PSMD1: variants seen among roughly 807,000 people sequenced by gnomAD.
PSMD1 encodes proteasome 26S subunit, non-ATPase 1, also known as 26S proteasome non-ATPase regulatory subunit 1.
Under a neutral mutation model 119.0 loss-of-function variants are expected in PSMD1, and 18 were observed. That is an observed-to-expected ratio of 0.15 (90% CI 0.10 to 0.22). The LOEUF (loss-of-function observed/expected upper bound fraction) is 0.22, where lower values mean the gene tolerates loss of function less well. Among genes scored for constraint, PSMD1 ranks in the 10% least tolerant of loss-of-function variants. The pLI is 1.00. For synonymous variants in PSMD1, 374 were observed against 396.6 expected (o/e 0.94, Z 0.68); for missense variants, 702 against 1,158.5 (o/e 0.61, Z 5.72).
intron 16 of PSMD1, among the ~76,000 whole-genome samples, chr2:231,112,864 A>C (rs1695201386): frequency 6.6e-6 from 1 of 152,120 alleles, no homozygotes; most frequent in African/African-American, 2.4e-5. Context: ...TAAAACTTTG[A>C]ATTAAACATA....
At chr2:231,080,981 A>G (rs1694295545) in intron 12 of PSMD1, among the ~76,000 whole-genome samples, 2 of 152,000 alleles carry the variant, frequency 1.3e-5, no homozygotes, top group Admixed American at 6.5e-5. Context: ...CATCTCTACT[A>G]AAAATACAAA....
At chr2:231,067,948 C>T (rs1693946826) in intron 5 of PSMD1, among the ~76,000 whole-genome samples, 1 of 152,188 alleles carries the variant, frequency 6.6e-6, no homozygotes, top group African/African-American at 2.4e-5. Flanking sequence ...TGAGCCACCA[C>T]ACCTGCCCTC....
intron 1 of PSMD1, among the ~76,000 whole-genome samples, chr2:231,059,968 A>T (rs1574699518): frequency 6.6e-6 from 1 of 152,272 alleles, no homozygotes; most frequent in Admixed American, 6.5e-5. Flanking sequence ...AAGTGAAACC[A>T]AACCAGAGAA....
intron 19 of PSMD1, among the ~76,000 whole-genome samples, chr2:231,154,265 C>G (rs4350740): frequency 0.44 from 66,362 of 151,714 alleles, 15,989 homozygotes; most frequent in African/African-American, 0.62. Context: ...AACCCTGTCT[C>G]TACTAAAAAT....
At chr2:231,064,382 A>G (rs539525751) in intron 4 of PSMD1, among the ~76,000 whole-genome samples, 2 of 152,356 alleles carry the variant, frequency 1.3e-5, no homozygotes, top group African/African-American at 4.8e-5. Context: ...AGTTTTAGTT[A>G]TAACATAAAC....
Position 231,161,393 on chromosome 2 carries a change from C to G in PSMD1, c.2272C>G (p.Pro758Ala). 1 of 1,613,738 alleles carries G rather than the reference C, an allele frequency of 6.2e-7. No individual in the cohort carries two copies. The highest frequency in any genetic ancestry group is 1.3e-5 in the African/African-American group (1 of 75,014). ...LQSRTGHTHM[P>A]SVVGVLVFTQ... Reference sequence around the variant, plus strand: ...GTCCAGGACTGGGCATACTCATATGCCTTCTGTGGTTGGCGTCCTTGTATT... The same window carrying G: ...GTCCAGGACTGGGCATACTCATATGGCTTCTGTGGTTGGCGTCCTTGTATT... The change falls in exon 20 of 25, where the codon CCT (proline) becomes GCT (alanine). Residue 758 changes from proline to alanine, a missense_variant. This residue lies in a region of PSMD1 where 152 missense variants were observed against 239.3 expected (regional missense o/e 0.64). Transcript: ENST00000308696.
At chr2:231,112,267 T>A (rs966326614) in intron 16 of PSMD1, among the ~76,000 whole-genome samples, 2 of 152,198 alleles carry the variant, frequency 1.3e-5, no homozygotes, top group Non-Finnish European at 2.9e-5. Flanking sequence ...CACTTCAAAT[T>A]TTAATTTTCA....
At position 231,088,655 on chromosome 2, in the gene PSMD1, C is replaced by T. The variant is rs894400658; in HGVS notation, c.1883+1474C>T. 1.9e-4 allele frequency among the ~76,000 whole-genome samples: 29 copies of T among 152,198 alleles called. 1 individual carries two copies. The highest frequency in any genetic ancestry group is 1.8e-3 in the Admixed American group (27 of 15,274). ...AATCAATAAATGTGTGTTCTGACTGCTCCACACACCGATCATTCCTCCATC... is the reference window on the plus strand; with the variant it reads ...AATCAATAAATGTGTGTTCTGACTGTTCCACACACCGATCATTCCTCCATC... On this transcript the variant is annotated intron_variant, in intron 16 of 24. Coordinates refer to ENST00000308696, the MANE Select transcript of PSMD1 (RefSeq NM_002807.4).
chr2:231,165,309 A>G (rs1696751257), intron 22 of PSMD1, 23 bp downstream of exon 22: 5 of 1,570,152 alleles, frequency 3.2e-6, no homozygotes, highest in Non-Finnish European at 4.3e-6. Context: ...TGGTGGTCAT[A>G]TGGATTGAAG....
chr2:231,154,145 C>T (rs1452042721), intron 19 of PSMD1, among the ~76,000 whole-genome samples: 2 of 150,046 alleles, frequency 1.3e-5, no homozygotes, highest in South Asian at 2.1e-4. Flanking sequence ...AAAGTACAGG[C>T]TGTTGGCCAG....
At chr2:231,057,678 C>T (rs533051374) in intron 1 of PSMD1, among the ~76,000 whole-genome samples, 1 of 152,354 alleles carries the variant, frequency 6.6e-6, no homozygotes, top group Middle Eastern at 3.4e-3. Context: ...AGGTTATGTG[C>T]TCAGTCTGTT....
chr2:231,076,891 T>C (rs964064393), intron 8 of PSMD1, 143 bp from the exon 9 acceptor site: 141 of 595,560 alleles, frequency 2.4e-4, no homozygotes, highest in Non-Finnish European at 2.9e-4. Flanking sequence ...CTCAGTAGCA[T>C]CTAATAAAGA....
chr2:231,166,507 T>C (rs1696788552), intron 23 of PSMD1, among the ~76,000 whole-genome samples: 1 of 114,074 alleles, frequency 8.8e-6, no homozygotes, highest in Non-Finnish European at 1.7e-5. Context: ...TACACCGTTG[T>C]CTTTTTTTTT....
intron 18 of PSMD1, among the ~76,000 whole-genome samples, chr2:231,148,079 C>T (rs1306000155): frequency 6.6e-6 from 1 of 152,126 alleles, no homozygotes; most frequent in Non-Finnish European, 1.5e-5. Flanking sequence ...GTTTTTATAA[C>T]GTATTACTTA....
chr2:231,084,694 C>T (rs1232346873), intron 14 of PSMD1, among the ~76,000 whole-genome samples: 1 of 152,164 alleles, frequency 6.6e-6, no homozygotes, highest in African/African-American at 2.4e-5. Flanking sequence ...AATTAGAAGC[C>T]AACTTCCTTG....
chr2:231,065,355 C>T (rs188110132), intron 4 of PSMD1, among the ~76,000 whole-genome samples: 243 of 151,494 alleles, frequency 1.6e-3, no homozygotes, highest in African/African-American at 5.6e-3. Flanking sequence ...TGCAGTGGCG[C>T]GATCTCGGCT....
At chr2:231,167,108 T>C (rs1696803464) in intron 23 of PSMD1, among the ~76,000 whole-genome samples, 1 of 152,214 alleles carries the variant, frequency 6.6e-6, no homozygotes, top group African/African-American at 2.4e-5. Context: ...TGGTAAATGC[T>C]AATCTGTAGC....
At chr2:231,159,272 C>A (rs1311591108) in intron 19 of PSMD1, among the ~76,000 whole-genome samples, 1 of 152,194 alleles carries the variant, frequency 6.6e-6, no homozygotes, top group Non-Finnish European at 1.5e-5. Context: ...AACTCTGTTA[C>A]CATCTAGCGC....
chr2:231,068,821 C>G (rs191842213), intron 5 of PSMD1, among the ~76,000 whole-genome samples: 1 of 152,194 alleles, frequency 6.6e-6, no homozygotes, highest in East Asian at 1.9e-4. Context: ...TTTAGATATG[C>G]TAAAGAGAAG....
Sources: gnomAD v4.1 joint callset for allele counts (sites outside exome capture counted in the v4.1 genomes callset) on GRCh38, gnomAD v4.1.1 for gene constraint, gnomAD v4.1.1 regional missense constraint, MANE v1.5 for transcripts, NCBI Gene and HGNC (gene_info 2026-07-23, HGNC 2026-07-21) for gene names.